The following ABLIM1 variants were observed in gnomAD, a reference collection of about 807,000 sequenced individuals.
ABLIM1 encodes the protein actin-binding LIM protein 1.
In ABLIM1, 40 loss-of-function variants were observed where a neutral mutation model predicts 107.0. That is an observed-to-expected ratio of 0.37 (90% CI 0.29 to 0.49). ABLIM1 has a LOEUF of 0.49. ABLIM1 is among the 20% of genes least tolerant of loss of function. The pLI, the probability that ABLIM1 is intolerant of heterozygous loss-of-function variation, is 0.97. For missense variants in ABLIM1, 857 were observed against 1,008.5 expected (o/e 0.85, Z 2.04); for synonymous variants, 357 against 357.3 (o/e 1.00, Z 0.01).
intron 1 of ABLIM1, among the ~76,000 whole-genome samples, chr10:114,622,079 A>G (rs2077499237): frequency 6.6e-6 from 1 of 152,006 alleles, no homozygotes; most frequent in Non-Finnish European, 1.5e-5. Flanking sequence ...AGTCCAGTAG[A>G]CACCCACCTA....
At chr10:114,550,898 T>C (rs1312990437) in intron 4 of ABLIM1, among the ~76,000 whole-genome samples, 2 of 152,226 alleles carry the variant, frequency 1.3e-5, no homozygotes, top group Non-Finnish European at 2.9e-5. Flanking sequence ...TGCTGTTCAA[T>C]AGAATTTTTA....
intron 7 of ABLIM1, among the ~76,000 whole-genome samples, chr10:114,490,802 A>C (rs1316141932): frequency 6.6e-6 from 1 of 150,766 alleles, no homozygotes; most frequent in Non-Finnish European, 1.5e-5. Context: ...TTATATATAT[A>C]TGTATGCTTA....
chr10:114,667,664 G>C (rs1271730757), intron 1 of ABLIM1, among the ~76,000 whole-genome samples: 1 of 152,184 alleles, frequency 6.6e-6, no homozygotes, highest in African/African-American at 2.4e-5. Flanking sequence ...AAGTTCCTCT[G>C]TGCTCCTTCC....
intron 7 of ABLIM1, among the ~76,000 whole-genome samples, chr10:114,491,012 G>GTGTGTGTGTGTGTATATA: frequency 0.017 from 1,587 of 92,214 alleles, 28 homozygotes; most frequent in Non-Finnish European, 0.023. Flanking sequence ...GTGTGTGTGT[G>GTGTGTGTGTGTGTATATA]TATATATATA....
At chr10:114,459,362 A>T (rs2063420345) in intron 12 of ABLIM1, among the ~76,000 whole-genome samples, 1 of 152,244 alleles carries the variant, frequency 6.6e-6, no homozygotes, top group Non-Finnish European at 1.5e-5. Context: ...TATCTCAAAG[A>T]TATCTTGGAT....
At chr10:114,590,169 C>T (rs187267327) in intron 2 of ABLIM1, among the ~76,000 whole-genome samples, 41 of 152,248 alleles carry the variant, frequency 2.7e-4, no homozygotes, top group African/African-American at 9.6e-4. Flanking sequence ...CACCATATGG[C>T]CTAGCTGTAC....
chr10:114,699,996 C>T (rs534174786), intron 1 of ABLIM1, among the ~76,000 whole-genome samples: 9 of 152,150 alleles, frequency 5.9e-5, no homozygotes, highest in African/African-American at 2.2e-4. Flanking sequence ...TGGGGTCTCA[C>T]TATGTTGTCC....
At chr10:114,628,880 TA>T (rs2140639795) in intron 1 of ABLIM1, among the ~76,000 whole-genome samples, 1 of 152,332 alleles carries the variant, frequency 6.6e-6, no homozygotes, top group East Asian at 1.9e-4. Flanking sequence ...TACAGCTTTT[TA>T]AATGAGTATA....
the ABLIM1 span, chr10:114,778,908 A>G: frequency 6.6e-6 from 1 of 152,166 alleles, no homozygotes. Context: ...CCTTAAAAGC[A>G]GAAATGTTGC....
At chr10:114,468,924 C>T (rs965027983) in intron 10 of ABLIM1, among the ~76,000 whole-genome samples, 21 of 151,978 alleles carry the variant, frequency 1.4e-4, no homozygotes, top group Non-Finnish European at 2.4e-4. Flanking sequence ...CGGTGGCGGG[C>T]GCCTGTAGTC....
intron 1 of ABLIM1, among the ~76,000 whole-genome samples, chr10:114,751,244 T>C (rs2082504185): frequency 6.6e-6 from 1 of 152,068 alleles, no homozygotes; most frequent in Admixed American, 6.5e-5. Context: ...TTTCTAGTCC[T>C]TTCTACTCCA....
In ABLIM1 at chr10:114,433,901, T is replaced by C. The variant is rs1362883104; in HGVS notation, c.*2359A>G. ...CATCTGCACATGTCTGGGTGATAAT[T>C]CATTAATCAATGTAAAACGTAGGGA... is the stretch of plus-strand genomic sequence containing the variant. On this transcript the variant is annotated 3_prime_UTR_variant, in exon 23 of 23. Transcript: ENST00000533213. 6.6e-6 allele frequency: 1 copy of C among 152,196 alleles called. No homozygotes were observed. Among genetic ancestry groups the C allele is most frequent in the Non-Finnish European group, 1.5e-5 (1 of 68,044 alleles). 9.4% of individuals were successfully genotyped at this position (152,196 alleles called of 1,614,324 possible).
At chr10:114,570,798 G>A (rs2483563) in intron 4 of ABLIM1, among the ~76,000 whole-genome samples, 40,596 of 151,540 alleles carry the variant, frequency 0.27, 6,342 homozygotes, top group African/African-American at 0.43. Context: ...TTGTAGAGAC[G>A]GGATTTTGTC....
intron 2 of ABLIM1, among the ~76,000 whole-genome samples, chr10:114,594,731 C>T (rs1476771007): frequency 6.6e-6 from 1 of 152,168 alleles, no homozygotes; most frequent in Non-Finnish European, 1.5e-5. Context: ...GCCTGGACAA[C>T]AGAGTGAGAC....
At chr10:114,762,321 C>T (rs2082766684) in intron 1 of ABLIM1, among the ~76,000 whole-genome samples, 1 of 152,192 alleles carries the variant, frequency 6.6e-6, no homozygotes, top group Non-Finnish European at 1.5e-5. Flanking sequence ...GCGTGAGCCA[C>T]TGTGCCCGGC....
At chr10:114,670,146 C>T (rs1051868427) in intron 1 of ABLIM1, among the ~76,000 whole-genome samples, 1 of 152,132 alleles carries the variant, frequency 6.6e-6, no homozygotes, top group Non-Finnish European at 1.5e-5. Flanking sequence ...AGAACGCGGG[C>T]CAAAGGAAAC....
At chr10:114,719,431 G>A (rs1023576047) in intron 1 of ABLIM1, among the ~76,000 whole-genome samples, 3 of 152,202 alleles carry the variant, frequency 2.0e-5, no homozygotes, top group African/African-American at 2.4e-5. Context: ...GGCTTGGGCT[G>A]GATGCCAAAT....
intron 4 of ABLIM1, among the ~76,000 whole-genome samples, chr10:114,568,020 C>T (rs980449642): frequency 6.6e-6 from 1 of 151,606 alleles, no homozygotes; most frequent in Admixed American, 6.6e-5. Flanking sequence ...GAAACCCCGT[C>T]TCTACTAAAA....
At chr10:114,728,561 A>T (rs1254133131) in intron 1 of ABLIM1, among the ~76,000 whole-genome samples, 1 of 149,656 alleles carries the variant, frequency 6.7e-6, no homozygotes, top group African/African-American at 2.5e-5. Context: ...ATGTACCAAC[A>T]TGAATTAATC....
Sources: allele counts gnomAD v4.1 joint callset (sites outside exome capture counted in the v4.1 genomes callset), GRCh38; gene constraint gnomAD v4.1.1; transcripts MANE v1.5; gene names NCBI Gene and HGNC (gene_info 2026-07-23, HGNC 2026-07-21).